The following GRAMD1B variants were observed in gnomAD, a reference collection of about 807,000 sequenced individuals.
GRAMD1B encodes the protein protein Aster-B.
A neutral mutation model predicts 99.7 loss-of-function variants in GRAMD1B; 37 were observed. The observed-to-expected ratio is 0.37, with a 90% CI of 0.29 to 0.49. GRAMD1B has a LOEUF of 0.49. GRAMD1B is among the 20% of genes least tolerant of loss of function. GRAMD1B has a pLI of 0.98. For missense variants in GRAMD1B, 888 were observed against 1,009.2 expected (o/e 0.88, Z 1.63); for synonymous variants, 427 against 387.6 (o/e 1.10, Z -1.19).
At chr11:123,521,108 G>A (rs1158992982) in intron 2 of GRAMD1B, among the ~76,000 whole-genome samples, 3 of 152,114 alleles carry the variant, frequency 2.0e-5, no homozygotes, top group East Asian at 1.9e-4. Flanking sequence ...GAACTGTTAC[G>A]TATTAGAGTA....
At chr11:123,577,992 C>G (rs537814861) in intron 3 of GRAMD1B, among the ~76,000 whole-genome samples, 1 of 152,224 alleles carries the variant, frequency 6.6e-6, no homozygotes, top group South Asian at 2.1e-4. Context: ...AACCTCCTCC[C>G]CGGCCATCCT....
At chr11:123,556,764 G>C (rs938428035) in intron 2 of GRAMD1B, among the ~76,000 whole-genome samples, 2 of 152,212 alleles carry the variant, frequency 1.3e-5, no homozygotes, top group African/African-American at 4.8e-5. Context: ...GTCCGGAGGC[G>C]TAAGTTCCGT....
At chr11:123,618,418 T>C in intron 17 of GRAMD1B, 2 of 1,493,198 alleles carry the variant, frequency 1.3e-6, no homozygotes, top group Non-Finnish European at 1.9e-6. Flanking sequence ...CGTACCTCTC[T>C]TCCCCCAGGT....
intron 1 of GRAMD1B, among the ~76,000 whole-genome samples, chr11:123,438,057 C>T (rs149948664): frequency 3.9e-5 from 6 of 152,302 alleles, no homozygotes; most frequent in Non-Finnish European, 7.4e-5. Context: ...AGTAAGTGAT[C>T]GGTGCTGGAT....
At chr11:123,567,510 G>T (rs1372033923) in intron 2 of GRAMD1B, among the ~76,000 whole-genome samples, 1 of 152,022 alleles carries the variant, frequency 6.6e-6, no homozygotes, top group Non-Finnish European at 1.5e-5. Flanking sequence ...TTTTCTCCTT[G>T]GCTCTGGCAG....
intron 2 of GRAMD1B, 75 bp from the exon 3 acceptor site, chr11:123,577,292 C>T: frequency 1.6e-6 from 2 of 1,275,002 alleles, no homozygotes; most frequent in South Asian, 1.3e-5. Flanking sequence ...TTGTCCTTGG[C>T]CTCGATCACT....
chr11:123,501,276 T>G (rs1431234774), intron 2 of GRAMD1B, among the ~76,000 whole-genome samples: 2 of 152,120 alleles, frequency 1.3e-5, no homozygotes. Flanking sequence ...GTTCAAGTGA[T>G]TCTCATGCCT....
intron 1 of GRAMD1B, among the ~76,000 whole-genome samples, chr11:123,370,149 T>C (rs1483055703): frequency 6.6e-6 from 1 of 151,624 alleles, no homozygotes; most frequent in African/African-American, 2.4e-5. Flanking sequence ...ACCCTGTCTC[T>C]ACTAAAAGTT....
At chr11:123,364,132 A>C (rs944083766) in intron 1 of GRAMD1B, among the ~76,000 whole-genome samples, 4 of 152,162 alleles carry the variant, frequency 2.6e-5, no homozygotes, top group Non-Finnish European at 5.9e-5. Flanking sequence ...CCCAGCTATT[A>C]ACCTTTAAAA....
chr11:123,461,794 G>A (rs987345040), intron 1 of GRAMD1B, among the ~76,000 whole-genome samples: 3 of 151,388 alleles, frequency 2.0e-5, no homozygotes, highest in Admixed American at 6.6e-5. Context: ...TAGTAGAGAC[G>A]GGGGTTTCAC....
At chr11:123,467,526 A>C (rs1436449342) in intron 1 of GRAMD1B, among the ~76,000 whole-genome samples, 2 of 150,744 alleles carry the variant, frequency 1.3e-5, no homozygotes, top group African/African-American at 4.9e-5. Flanking sequence ...TGGATAACTG[A>C]GAATTGGACC....
At chr11:123,530,160 G>A (rs958523781) in intron 2 of GRAMD1B, among the ~76,000 whole-genome samples, 2 of 151,528 alleles carry the variant, frequency 1.3e-5, no homozygotes, top group Non-Finnish European at 2.9e-5. Flanking sequence ...CTGTGTGACA[G>A]AACCTACTCA....
At chr11:123,434,639 T>C (rs1949076816) in intron 1 of GRAMD1B, among the ~76,000 whole-genome samples, 2 of 151,984 alleles carry the variant, frequency 1.3e-5, no homozygotes, top group Admixed American at 1.3e-4. Flanking sequence ...AATACAAAAA[T>C]TAGCTGGACA....
In GRAMD1B at chr11:123,430,472, A is replaced by C; in HGVS notation, c.-321A>C. ...CCAGCAAGCGAGGAAGCGCAGCGGA[A>C]GAAAAACAAGCGGGCGCGCGAGGGG... On this transcript the variant is annotated 5_prime_UTR_variant, in exon 1 of 20. Transcript: ENST00000635736. 8.9e-6 allele frequency: 3 copies of C among 338,314 alleles called. No individual in the cohort carries two copies. The highest frequency in any genetic ancestry group is 5.4e-5 in the East Asian group (1 of 18,584). The allele number at this position is 338,314 out of a possible 1,614,324, so 21.0% of individuals were successfully genotyped here. A position where few individuals can be genotyped will look rare whatever the true frequency, so the allele number is the denominator to read the frequency against.
At chr11:123,568,116 G>T (rs1592046551) in intron 2 of GRAMD1B, among the ~76,000 whole-genome samples, 2 of 149,586 alleles carry the variant, frequency 1.3e-5, no homozygotes, top group African/African-American at 4.9e-5. Context: ...AAAGTTTTGG[G>T]TTTTTTTTTT....
intron 2 of GRAMD1B, among the ~76,000 whole-genome samples, chr11:123,511,900 C>T (rs761528663): frequency 3.2e-4 from 49 of 152,374 alleles, no homozygotes; most frequent in Non-Finnish European, 6.3e-4. Context: ...AGTCACTTAA[C>T]TTCTCTGGAC....
At chr11:123,415,893 C>A (rs1948218526) in intron 1 of GRAMD1B, among the ~76,000 whole-genome samples, 1 of 152,136 alleles carries the variant, frequency 6.6e-6, no homozygotes, top group South Asian at 2.1e-4. Context: ...ATACACACAG[C>A]CTTTTTTCAA....
At chr11:123,427,885 C>T (rs1433035363), upstream of GRAMD1B, among the ~76,000 whole-genome samples, 1 of 152,178 alleles carries the variant, frequency 6.6e-6, no homozygotes, top group Non-Finnish European at 1.5e-5. Context: ...ATTTCAGTTC[C>T]AGAATCTACT....
intron 2 of GRAMD1B, among the ~76,000 whole-genome samples, chr11:123,503,581 C>G (rs558388627): frequency 1.0e-4 from 15 of 149,140 alleles, no homozygotes; most frequent in Admixed American, 4.0e-4. Flanking sequence ...GAGTTTCACT[C>G]TGTCACCCAG....
Sources: allele counts gnomAD v4.1 joint callset (sites outside exome capture counted in the v4.1 genomes callset), GRCh38; gene constraint gnomAD v4.1.1; transcripts MANE v1.5; gene names NCBI Gene and HGNC (gene_info 2026-07-23, HGNC 2026-07-21).